The following PAX2 variants were observed in gnomAD, a reference collection of about 807,000 sequenced individuals.
PAX2 encodes paired box 2.
PAX2 carries 9 observed loss-of-function variants against 41.7 expected under a neutral mutation model. That is an observed-to-expected ratio of 0.22 (90% CI 0.13 to 0.38). The LOEUF is 0.38. Among genes scored for constraint, PAX2 ranks in the 10% least tolerant of loss-of-function variants. The pLI is 1.00. For missense variants in PAX2, 418 were observed against 531.6 expected (o/e 0.79, Z 2.10); for synonymous variants, 221 against 212.7 (o/e 1.04, Z -0.34).
At chr10:100,817,672 C>T (rs1235292465) in intron 7 of PAX2, among the ~76,000 whole-genome samples, 7 of 152,174 alleles carry the variant, frequency 4.6e-5, no homozygotes, top group Non-Finnish European at 1.0e-4. Flanking sequence ...GGAGGCACAG[C>T]CCCCTCTGCT....
chr10:100,807,301 C>T (rs1847825727), intron 6 of PAX2, among the ~76,000 whole-genome samples: 1 of 152,102 alleles, frequency 6.6e-6, no homozygotes, highest in African/African-American at 2.4e-5. Context: ...CCCTCACCCA[C>T]AGCCCATGGT....
Position 100,786,882 on chromosome 10 carries a change from A to G in PAX2, c.616+5517A>G, listed in dbSNP as rs1174090552. The G allele has an allele frequency of 7.1e-5, 77 of 1,077,060 alleles. No individual in the cohort carries two copies. In the East Asian group the frequency reaches 9.2e-4, roughly 13 times the overall value. 66.7% of individuals were successfully genotyped at this position (1,077,060 alleles called of 1,614,324 possible). The stretch of plus-strand genomic sequence containing the variant: ...TCCCGATCTTGGGATCCTGCCCCCA[A>G]TCTTCTGCCTGCCTGTCTTTCGGGA... On this transcript the variant is annotated intron_variant, in intron 5 of 9. Transcript: ENST00000355243.
At position 100,746,142 on chromosome 10, in the gene PAX2, G is replaced by A. The variant is rs1036663893; in HGVS notation, c.-119G>A. 4.5e-5 allele frequency: 63 copies of A among 1,399,330 alleles called. No individual in the cohort carries two copies. Among genetic ancestry groups the A allele is most frequent in the Non-Finnish European group, 5.7e-5 (60 of 1,052,570 alleles). 86.7% of individuals were successfully genotyped at this position (1,399,330 alleles called of 1,614,324 possible). ...CGCCCCCGCGCGCCCCGCAGCAGCC[G>A]GGCGTTCACTCATCCTCCCTCCCCC... On this transcript the variant is annotated 5_prime_UTR_variant, in exon 1 of 10. Coordinates refer to ENST00000355243, the MANE Select transcript of PAX2 (RefSeq NM_000278.5).
chr10:100,788,877 G>A (rs77737204), intron 5 of PAX2, among the ~76,000 whole-genome samples: 6 of 151,550 alleles, frequency 4.0e-5, no homozygotes, highest in African/African-American at 9.7e-5. Context: ...CACCCCCCCC[G>A]ACACACATAC....
rs370068558 is a variant in PAX2, at chr10:100,756,189, A to T, written c.410+5298A>T. Among the ~76,000 whole-genome samples, 8 of 151,950 alleles carry T rather than the reference A, an allele frequency of 5.3e-5. No homozygotes were observed. In the East Asian group the frequency reaches 1.2e-3, roughly 22 times the overall value. On this transcript the variant is annotated intron_variant, in intron 3 of 9. Coordinates refer to ENST00000355243, the MANE Select transcript of PAX2 (RefSeq NM_000278.5). ...TTAATCACACTCCATACCCCCTAAA[A>T]CCCCTCTGAAAAGGGGGTTCCTATG... is the stretch of plus-strand genomic sequence containing the variant.
rs1249356966 is a variant in PAX2 at position 100,748,752 on chromosome 10, G to C, written c.44-994G>C. On this transcript the variant is annotated intron_variant, in intron 1 of 9. Coordinates refer to ENST00000355243, the MANE Select transcript of PAX2 (RefSeq NM_000278.5). This position sits in a 1 kb window ranked among gnomAD's most constrained non-coding sequence, Gnocchi z 5.0. ...GAAACCCCGTGCCCTTCTCTTGGCC[G>C]AAAGAGCAAAAGCCCGAGCCGCTCG... 6 of 985,344 alleles carry C rather than the reference G, an allele frequency of 6.1e-6. No individual in the cohort carries two copies. The African/African-American group carries it at 1.0e-4, about 17-fold the overall frequency. 61.0% of individuals were successfully genotyped at this position (985,344 alleles called of 1,614,324 possible). A position where few individuals can be genotyped will look rare whatever the true frequency, so the allele number is the denominator to read the frequency against.
chr10:100,782,713 T>A (rs1229228496), intron 5 of PAX2, among the ~76,000 whole-genome samples: 1 of 152,278 alleles, frequency 6.6e-6, no homozygotes, highest in African/African-American at 2.4e-5. Flanking sequence ...CCAAACCGAT[T>A]TGGCCGCCAC....
At chr10:100,774,966 C>T (rs11190697) in intron 3 of PAX2, among the ~76,000 whole-genome samples, 23,626 of 152,280 alleles carry the variant, frequency 0.16, 2,259 homozygotes, top group Middle Eastern at 0.3. Flanking sequence ...CAGGAAAGGG[C>T]GAGCTCTCAT....
At chr10:100,779,695 T>C in intron 4 of PAX2, 112 bp downstream of exon 4, 1 of 792,804 alleles carries the variant, frequency 1.3e-6, no homozygotes, top group Admixed American at 2.0e-5. Flanking sequence ...GCCCAACCTA[T>C]TTGCCAACTC....
At chr10:100,814,069 C>T (rs1003603891) in intron 7 of PAX2, among the ~76,000 whole-genome samples, 1 of 152,072 alleles carries the variant, frequency 6.6e-6, no homozygotes, top group Non-Finnish European at 1.5e-5. Context: ...ATCAAAGGGG[C>T]CGGGCGCGGT....
At position 100,826,576 on chromosome 10, in the gene PAX2, A is replaced by G. The variant is rs1274727635; in HGVS notation, c.1022-433A>G. 6.6e-6 allele frequency among the ~76,000 whole-genome samples: 1 copy of G among 152,180 alleles called. No individual in the cohort carries two copies. The highest frequency in any genetic ancestry group is 1.5e-5 in the Non-Finnish European group (1 of 68,028). ...ATTCTTAGGACTTTCTGGGAGAAAA[A>G]TGTCCCGAAGGCCTTTCTTCGCCAC... On this transcript the variant is annotated intron_variant, in intron 8 of 9. Coordinates refer to ENST00000355243, the MANE Select transcript of PAX2 (RefSeq NM_000278.5). This position sits in a 1 kb window ranked among gnomAD's most constrained non-coding sequence, Gnocchi z 5.5.
At chr10:100,756,389 T>TA in intron 3 of PAX2, among the ~76,000 whole-genome samples, 2 of 152,350 alleles carry the variant, frequency 1.3e-5, no homozygotes, top group East Asian at 3.9e-4. Flanking sequence ...TTGGAGTTTT[T>TA]ATATTAAGAA....
At position 100,748,473 on chromosome 10, in the gene PAX2, C is replaced by T; in HGVS notation, c.44-1273C>T. Reference sequence around the variant, plus strand: ...GAAATGAGGGGGGCACAGATGTCCCCGCTTTCTCCGAAACTCGCGTGAGGC... The same window carrying T: ...GAAATGAGGGGGGCACAGATGTCCCTGCTTTCTCCGAAACTCGCGTGAGGC... On this transcript the variant is annotated intron_variant, in intron 1 of 9. Coordinates refer to ENST00000355243, the MANE Select transcript of PAX2 (RefSeq NM_000278.5). This position sits in a 1 kb window ranked among gnomAD's most constrained non-coding sequence, Gnocchi z 5.0. 1 of 985,210 alleles carries T rather than the reference C, an allele frequency of 1.0e-6. No individual in the cohort carries two copies. Among genetic ancestry groups the T allele is most frequent in the Non-Finnish European group, 1.2e-6 (1 of 829,880 alleles). 61.0% of individuals were successfully genotyped at this position (985,210 alleles called of 1,614,324 possible). A position where few individuals can be genotyped will look rare whatever the true frequency, so the allele number is the denominator to read the frequency against.
chr10:100,764,440 C>T (rs1174105603), intron 3 of PAX2, among the ~76,000 whole-genome samples: 4 of 152,090 alleles, frequency 2.6e-5, no homozygotes, highest in African/African-American at 7.2e-5. Context: ...CCGTGGCCGG[C>T]CTGAAATATT....
rs138493413 is a variant in PAX2 at position 100,738,150 on chromosome 10, G to A, written c.25+2417G>A. On this transcript the variant is annotated intron_variant, in intron 1 of 9. Coordinates refer to the PAX2 transcript ENST00000679374. ...CTGAGCTCCCTCCCTGGCCTGCACT[G>A]AGTTCCCAGGTTTCTTTCTACCTTG... is the stretch of plus-strand genomic sequence containing the variant. Among the ~76,000 whole-genome samples the A allele has an allele frequency of 1.1e-3, 164 of 152,308 alleles. 2 individuals are homozygous for A. Among genetic ancestry groups the A allele is most frequent in the East Asian group, 0.01 (54 of 5,174 alleles).
Position 100,748,269 on chromosome 10 carries a change from G to C in PAX2, c.44-1477G>C. On this transcript the variant is annotated intron_variant, in intron 1 of 9. Transcript: ENST00000355243. This position sits in a 1 kb window ranked among gnomAD's most constrained non-coding sequence, Gnocchi z 5.0. The stretch of plus-strand genomic sequence containing the variant: ...GAGTTCTCCCGGGGCCTAAATTATT[G>C]ATGGTCGGGGTTTGGAGGGAGGGGA... The C allele has an allele frequency of 1.0e-6, 1 of 985,124 alleles. No individual in the cohort carries two copies. Among genetic ancestry groups the C allele is most frequent in the Non-Finnish European group, 1.2e-6 (1 of 829,836 alleles). The allele number at this position is 985,124 out of a possible 1,614,324, so 61.0% of individuals were successfully genotyped here. A position where few individuals can be genotyped will look rare whatever the true frequency, so the allele number is the denominator to read the frequency against.
chr10:100,805,419 G>A (rs890569907), intron 5 of PAX2, among the ~76,000 whole-genome samples: 2 of 152,202 alleles, frequency 1.3e-5, no homozygotes, highest in Non-Finnish European at 2.9e-5. Context: ...AAGCTGGTAT[G>A]GGGTTTGGGG....
chr10:100,803,601 G>A (rs1188578534), intron 5 of PAX2, among the ~76,000 whole-genome samples: 2 of 152,032 alleles, frequency 1.3e-5, no homozygotes, highest in Non-Finnish European at 1.5e-5. Flanking sequence ...GTGCTCCTTC[G>A]CCATTCATCA....
chr10:100,828,802 A>G lies in PAX2; in HGVS notation c.*1183A>G. 1 of 232,624 alleles carries G rather than the reference A, an allele frequency of 4.3e-6. No individual in the cohort carries two copies. Among genetic ancestry groups the G allele is most frequent in the Non-Finnish European group, 8.5e-6 (1 of 117,382 alleles). 14.4% of individuals were successfully genotyped at this position (232,624 alleles called of 1,614,324 possible). On this transcript the variant is annotated 3_prime_UTR_variant, in exon 10 of 10. Coordinates refer to ENST00000355243, the MANE Select transcript of PAX2 (RefSeq NM_000278.5). The surrounding 1 kb of genome is among the most constrained non-coding windows in gnomAD (Gnocchi z 6.5). ...CACAAAAAGTCTACATTTATTTAAT[A>G]TGATGGTCTTTGCAAAAAGGAACAA... is the stretch of plus-strand genomic sequence containing the variant.
Sources: allele counts gnomAD v4.1 joint callset (sites outside exome capture counted in the v4.1 genomes callset), GRCh38; gene constraint gnomAD v4.1.1; non-coding constraint Gnocchi (gnomAD v3.1); transcripts MANE v1.5; gene names NCBI Gene and HGNC (gene_info 2026-07-23, HGNC 2026-07-21).